ESCO1: variants seen among roughly 807,000 people sequenced by gnomAD.
ESCO1 encodes the protein N-acetyltransferase ESCO1.
In ESCO1, 33 loss-of-function variants were observed where a neutral mutation model predicts 83.5. The observed-to-expected ratio is 0.40, with a 90% confidence interval of 0.30 to 0.53. The LOEUF is 0.53. Among genes scored for constraint, ESCO1 ranks in the 20% least tolerant of loss-of-function variants. The pLI, the probability that ESCO1 is intolerant of heterozygous loss-of-function variation, is 0.63. For synonymous variants in ESCO1, 332 were observed against 324.3 expected, an observed-to-expected ratio of 1.02 and a Z score of -0.25; for missense variants, 855 against 968.0, an observed-to-expected ratio of 0.88 and a Z score of 1.55.
chr18:21,589,823 C>A (rs2038637502), intron 1 of ESCO1, among the ~76,000 whole-genome samples: 1 of 147,002 alleles, frequency 6.8e-6, no homozygotes, highest in Admixed American at 6.9e-5. Flanking sequence ...CAGTCAAATG[C>A]AAGTCCGTCT....
intron 1 of ESCO1, among the ~76,000 whole-genome samples, chr18:21,593,811 TAAA>T (rs10719508): frequency 2.1e-5 from 3 of 142,818 alleles, no homozygotes; most frequent in Non-Finnish European, 4.6e-5. Flanking sequence ...GCACCTCCTT[TAAA>T]AAAAAAAAAA....
chr18:21,568,135 T>C (rs769140565), intron 4 of ESCO1, 41 bp from the exon 5 acceptor site: 1 of 1,438,900 alleles, frequency 6.9e-7, no homozygotes, highest in Non-Finnish European at 9.7e-7. Context: ...CAACTTTGGG[T>C]TTTATCTAAA....
At chr18:21,538,458 T>C (rs79577108) in intron 9 of ESCO1, among the ~76,000 whole-genome samples, 2,257 of 152,288 alleles carry the variant, frequency 0.015, 24 homozygotes, top group Middle Eastern at 0.024. Flanking sequence ...ACAAGACAGG[T>C]TGGGCATGTT....
chr18:21,596,561 G>A (rs1411758012), intron 1 of ESCO1, among the ~76,000 whole-genome samples: 1 of 152,122 alleles, frequency 6.6e-6, no homozygotes, highest in Non-Finnish European at 1.5e-5. Context: ...GGCCAGGCAT[G>A]GTGTCTCACG....
At position 21,574,508 on chromosome 18, in the gene ESCO1, A is replaced by G. The variant is rs773275342; in HGVS notation, c.336T>C (p.Pro112=). The G allele has an allele frequency of 6.8e-6, 11 of 1,613,794 alleles. No individual in the cohort carries two copies. The highest frequency in any genetic ancestry group is 1.3e-5 in the African/African-American group (1 of 74,854). Residue 112 remains proline (P), a synonymous_variant, in exon 4 of 12, where the codon CCT becomes CCC. Coordinates refer to ENST00000269214, the MANE Select transcript of ESCO1 (RefSeq NM_052911.3). ...LSQKKLVHEN[P]KANEQLNRRS... ...TCCGGTTAAGCTGTTCATTTGCTTT[A>G]GGGTTTTCATGTACTAATTTTTTCT...
intron 8 of ESCO1, among the ~76,000 whole-genome samples, chr18:21,554,549 T>G (rs2038088228): frequency 6.6e-6 from 1 of 152,088 alleles, no homozygotes; most frequent in Non-Finnish European, 1.5e-5. Flanking sequence ...GGTGGATCAC[T>G]TGAGGTCAGG....
At chr18:21,541,793 G>A (rs569613017) in intron 8 of ESCO1, among the ~76,000 whole-genome samples, 4 of 151,956 alleles carry the variant, frequency 2.6e-5, no homozygotes, top group South Asian at 4.2e-4. Flanking sequence ...TTAAAACATC[G>A]AAAAGACCTA....
At chr18:21,548,987 T>C (rs1471878057) in intron 8 of ESCO1, among the ~76,000 whole-genome samples, 2 of 152,046 alleles carry the variant, frequency 1.3e-5, no homozygotes, top group African/African-American at 4.8e-5. Flanking sequence ...CCCTCCTTAT[T>C]AACAGCTACA....
chr18:21,575,325 C>T lies in ESCO1; in HGVS notation c.-482G>A, dbSNP rs1398429238. 12 of 396,798 alleles carry T rather than the reference C, an allele frequency of 3.0e-5. No individual in the cohort carries two copies. The highest frequency in any genetic ancestry group is 8.9e-6 in the Non-Finnish European group (2 of 225,014). The allele number at this position is 396,798 out of a possible 1,614,324, so 24.6% of individuals were successfully genotyped here. A position where few individuals can be genotyped will look rare whatever the true frequency, so the allele number is the denominator to read the frequency against. On this transcript the variant is annotated 5_prime_UTR_variant, in exon 4 of 12. In the 5' UTR this introduces an upstream ATG that the reference lacks. Coordinates refer to ENST00000269214, the MANE Select transcript of ESCO1 (RefSeq NM_052911.3). ...CTTGAAACATGTCTTATGGCTAACA[C>T]GTTTCTTTCCTTGTTTGCTGAGTCT...
chr18:21,564,007 C>T lies in ESCO1; in HGVS notation c.1821+196G>A, dbSNP rs1375396641. On this transcript the variant is annotated intron_variant, in intron 7 of 11. Coordinates refer to ENST00000269214, the MANE Select transcript of ESCO1 (RefSeq NM_052911.3). ...TGGTCTCTCTGCACATGAGCTCACT[C>T]CCTTTCTGCTTTCCTCCATAAGTTG... 3.9e-5 allele frequency among the ~76,000 whole-genome samples: 6 copies of T among 152,172 alleles called. No homozygotes were observed. In the South Asian group the frequency reaches 6.2e-4, roughly 16 times the overall value.
At chr18:21,552,611 G>A (rs767542401) in intron 8 of ESCO1, among the ~76,000 whole-genome samples, 1 of 152,296 alleles carries the variant, frequency 6.6e-6, no homozygotes, top group South Asian at 2.1e-4. Flanking sequence ...TTATAGCAGC[G>A]TGAGAACGGA....
intron 1 of ESCO1, among the ~76,000 whole-genome samples, chr18:21,587,087 CA>C (rs2038592517): frequency 6.6e-6 from 1 of 152,106 alleles, no homozygotes; most frequent in Non-Finnish European, 1.5e-5. Context: ...GGGATAAATG[CA>C]ACTTGGTCAT....
chr18:21,581,597 C>T (rs975013479), intron 2 of ESCO1, among the ~76,000 whole-genome samples: 2 of 151,622 alleles, frequency 1.3e-5, no homozygotes, highest in African/African-American at 4.8e-5. Flanking sequence ...GACGACAGAG[C>T]AAGACTCCAT....
chr18:21,531,030 G>C (rs2037760717), intron 11 of ESCO1, among the ~76,000 whole-genome samples: 1 of 152,166 alleles, frequency 6.6e-6, no homozygotes, highest in South Asian at 2.1e-4. Context: ...AAACGAGTCT[G>C]GCAAGGCTGC....
chr18:21,546,628 C>G (rs566842521), intron 8 of ESCO1, among the ~76,000 whole-genome samples: 43 of 152,266 alleles, frequency 2.8e-4, no homozygotes, highest in Non-Finnish European at 4.7e-4. Context: ...CTCACTGCAG[C>G]CTCAGCCTCC....
In ESCO1 at chr18:21,568,035, A is replaced by G. The variant is rs917492937; in HGVS notation, c.1590T>C (p.Ala530=). ...TTGCTTGACTGAGCAGAGTCGAAGC[A>G]GCAGTAACATTTTCCACTGGACTGT... The part of the protein sequence containing the change: ...LENSPVENVT[A]ASTLLSQAKI... Residue 530 remains alanine (A), a synonymous_variant, in exon 5 of 12, where the codon GCT becomes GCC. Transcript: ENST00000269214. 1.2e-6 allele frequency: 2 copies of G among 1,613,998 alleles called. No homozygotes were observed. Among genetic ancestry groups the G allele is most frequent in the African/African-American group, 2.7e-5 (2 of 75,046 alleles).
intron 8 of ESCO1, among the ~76,000 whole-genome samples, chr18:21,555,954 T>C (rs12457027): frequency 0.32 from 48,376 of 151,932 alleles, 10,581 homozygotes; most frequent in African/African-American, 0.59. Flanking sequence ...AGCAAAACCC[T>C]GTCTCAAAAA....
intron 8 of ESCO1, among the ~76,000 whole-genome samples, chr18:21,553,144 G>A (rs2038065649): frequency 6.6e-6 from 1 of 152,078 alleles, no homozygotes; most frequent in South Asian, 2.1e-4. Flanking sequence ...TAAAAAATTA[G>A]TCAAGCACGG....
chr18:21,586,953 A>G (rs538740476), intron 1 of ESCO1, among the ~76,000 whole-genome samples: 3 of 152,230 alleles, frequency 2.0e-5, no homozygotes, highest in East Asian at 3.9e-4. Flanking sequence ...TCATGAAAGG[A>G]TATTTCATTT....
Sources: gnomAD v4.1 joint callset for allele counts (sites outside exome capture counted in the v4.1 genomes callset) on GRCh38, gnomAD v4.1.1 for gene constraint, MANE v1.5 for transcripts, NCBI Gene and HGNC (gene_info 2026-07-23, HGNC 2026-07-21) for gene names.